IL4I1: variants seen among roughly 807,000 people sequenced by gnomAD.
IL4I1 encodes the protein L-amino-acid oxidase.
In IL4I1, 24 loss-of-function variants were observed where a neutral mutation model predicts 29.7. The ratio of observed to expected loss-of-function variants is 0.81; its 90% CI spans 0.59 to 1.14. The LOEUF is 1.14. Ranked by LOEUF, IL4I1 falls within the 50% of genes most tolerant of loss-of-function variation. IL4I1 has a pLI of 0.00. For missense variants in IL4I1, 686 were observed against 785.6 expected (o/e 0.87, Z 1.52); for synonymous variants, 371 against 352.5 (o/e 1.05, Z -0.59).
At chr19:49,897,566 T>C, upstream of IL4I1, among the ~76,000 whole-genome samples, 1 of 152,178 alleles carries the variant, frequency 6.6e-6, no homozygotes. Flanking sequence ...TGGAAGCTGC[T>C]CCTTTGGAAA....
At chr19:49,929,085 G>A (rs929061446) in intron 1 of IL4I1, 1 of 152,458 alleles carries the variant, frequency 6.6e-6, no homozygotes, top group Non-Finnish European at 1.5e-5. Context: ...CTGATCCCCA[G>A]GAGGAGGGGA....
intron 3 of IL4I1, 51 bp from the exon 4 acceptor site, chr19:49,895,231 A>G (rs1161673769): frequency 2.7e-6 from 4 of 1,472,274 alleles, no homozygotes; most frequent in Middle Eastern, 3.5e-4. Context: ...CCCACTGACC[A>G]TCCCCTGCCC....
At chr19:49,919,045 C>T (rs1042816653) in intron 2 of IL4I1, among the ~76,000 whole-genome samples, 61 of 152,070 alleles carry the variant, frequency 4.0e-4, no homozygotes, top group Middle Eastern at 3.4e-3. Context: ...CCCAGCTACT[C>T]GGGAGGCTGA....
chr19:49,903,251 G>C (rs2608884), intron 3 of IL4I1, among the ~76,000 whole-genome samples: 41,127 of 152,104 alleles, frequency 0.27, 5,678 homozygotes, highest in East Asian at 0.42. Context: ...TAGGGTATCT[G>C]AGGTGACCCC....
At chr19:49,918,591 C>T (rs539356859) in intron 2 of IL4I1, 1 of 152,340 alleles carries the variant, frequency 6.6e-6, no homozygotes, top group South Asian at 2.1e-4. Flanking sequence ...TGCCTTTCAA[C>T]CTACAGGCAT....
intron 5 of IL4I1, among the ~76,000 whole-genome samples, chr19:49,892,676 T>C (rs2075154773): frequency 6.6e-6 from 1 of 152,176 alleles, no homozygotes; most frequent in African/African-American, 2.4e-5. Flanking sequence ...TCAGCCTTCT[T>C]CTTGGTCCAC....
chr19:49,909,920 T>A (rs901086074), intron 2 of IL4I1: 2 of 1,181,920 alleles, frequency 1.7e-6, no homozygotes, highest in Admixed American at 2.0e-5. Flanking sequence ...AGATGGCAGT[T>A]TTGGAAAGGC....
At chr19:49,891,846 G>A (rs146523164) in intron 5 of IL4I1, among the ~76,000 whole-genome samples, 147 of 152,320 alleles carry the variant, frequency 9.7e-4, no homozygotes, top group African/African-American at 2.9e-3. Flanking sequence ...GGTCCCAGGC[G>A]TGCTGTGTCC....
rs2075131073 is a variant in IL4I1, at chr19:49,891,001, C to T, written c.743G>A (p.Arg248Gln). The change falls in exon 7 of 8, where the codon CGG becomes CAG. Residue 248 changes from arginine (R) to glutamine (Q), a missense_variant. Arg to Gln is a conservative substitution (Grantham distance 43). Coordinates refer to ENST00000391826, the MANE Select transcript of IL4I1 (RefSeq NM_152899.2). ...FFYLSFAEAL[R>Q]AHSCLSDRLQ... ...TCTGTCGCTGAGGCAGCTGTGGGCC[C>T]GGAGGGCCTCGGCGAAGCTGAGATA... is the stretch of plus-strand genomic sequence containing the variant. 4 of 1,518,572 alleles carry T rather than the reference C, an allele frequency of 2.6e-6. No homozygotes were observed. The highest frequency in any genetic ancestry group is 3.6e-6 in the Non-Finnish European group (4 of 1,122,692). The allele number at this position is 1,518,572 out of a possible 1,614,324, so 94.1% of individuals were successfully genotyped here. A position where few individuals can be genotyped will look rare whatever the true frequency, so the allele number is the denominator to read the frequency against.
At position 49,895,181 on chromosome 19, in the gene IL4I1, C is replaced by T; in HGVS notation, c.253-1G>A. ...TGTTATCTGCCTCCAGGATGGTGACCTGAGGGAGTCCGTGGGGCGAGGAGG... is the reference window on the plus strand; with the variant it reads ...TGTTATCTGCCTCCAGGATGGTGACTTGAGGGAGTCCGTGGGGCGAGGAGG... On this transcript the variant is annotated splice_acceptor_variant, in intron 3 of 7. Transcript: ENST00000391826. LOFTEE classifies it high-confidence loss of function. 4 of 1,612,900 alleles carry T rather than the reference C, an allele frequency of 2.5e-6. No individual in the cohort carries two copies. Among genetic ancestry groups the T allele is most frequent in the Middle Eastern group, 1.7e-4 (1 of 6,056 alleles).
At chr19:49,900,833 A>G (rs1200801169), upstream of IL4I1, among the ~76,000 whole-genome samples, 1 of 152,190 alleles carries the variant, frequency 6.6e-6, no homozygotes, top group East Asian at 1.9e-4. Context: ...CTCCCAGATA[A>G]TGGTCTTTGG....
intron 2 of IL4I1, chr19:49,909,545 A>G (rs2075408245): frequency 6.2e-7 from 1 of 1,614,080 alleles, no homozygotes; most frequent in Non-Finnish European, 8.5e-7. Context: ...CCCCAAAGAA[A>G]ATCCAGTTCC....
chr19:49,916,777 C>A (rs866296501), intron 2 of IL4I1, among the ~76,000 whole-genome samples: 90 of 152,072 alleles, frequency 5.9e-4, no homozygotes, highest in African/African-American at 2.0e-3. Flanking sequence ...AACAAAAAAA[C>A]AAAAATTAGC....
At chr19:49,908,747 T>C in intron 2 of IL4I1, 1 of 1,613,596 alleles carries the variant, frequency 6.2e-7, no homozygotes. Context: ...CTGGGTGGCC[T>C]GCTGGAGGAA....
intron 2 of IL4I1, among the ~76,000 whole-genome samples, chr19:49,926,501 G>A (rs954048703): frequency 2.0e-5 from 3 of 152,028 alleles, no homozygotes; most frequent in African/African-American, 7.2e-5. Flanking sequence ...CTGCACTCCA[G>A]CCTGGGCGAC....
chr19:49,889,843 C>G lies in IL4I1; in HGVS notation c.1531G>C (p.Ala511Pro). ...AIKINSRKGP[A>P]SDTASPEGHA... ...CCCTCGGGGCTGGCCGTGTCCGATGCAGGCCCCTTCCGGCTGTTGATCTTG... is the reference window on the plus strand; with the variant it reads ...CCCTCGGGGCTGGCCGTGTCCGATGGAGGCCCCTTCCGGCTGTTGATCTTG... The change falls in exon 8 of 8, where the codon GCA becomes CCA. Residue 511 changes from alanine (A) to proline (P), a missense_variant. By Grantham distance (27) the Ala-to-Pro change is conservative. Transcript: ENST00000391826. 1 of 1,585,178 alleles carries G rather than the reference C, an allele frequency of 6.3e-7. No homozygotes were observed. Among genetic ancestry groups the G allele is most frequent in the East Asian group, 2.2e-5 (1 of 44,536 alleles).
At position 49,889,827 on chromosome 19, in the gene IL4I1, C is replaced by A. The variant is rs780435189; in HGVS notation, c.1547G>T (p.Ser516Ile). ...SRKGPASDTA[S>I]PEGHASDMEG... is the part of the protein sequence containing the mutation. ...CATGTCAGATGCGTGCCCCTCGGGGCTGGCCGTGTCCGATGCAGGCCCCTT... is the reference window on the plus strand; with the variant it reads ...CATGTCAGATGCGTGCCCCTCGGGGATGGCCGTGTCCGATGCAGGCCCCTT... The change falls in exon 8 of 8, where the codon AGC (serine) becomes ATC (isoleucine). Residue 516 changes from serine to isoleucine, a missense_variant. Transcript: ENST00000391826. The A allele has an allele frequency of 1.9e-6, 3 of 1,566,160 alleles. No individual in the cohort carries two copies. The highest frequency in any genetic ancestry group is 2.4e-5 in the South Asian group (2 of 84,694).
At chr19:49,908,883 C>T in intron 2 of IL4I1, 1 of 1,610,344 alleles carries the variant, frequency 6.2e-7, no homozygotes, top group East Asian at 2.2e-5. Flanking sequence ...GCGGTCACGG[C>T]AGCTGCTGTA....
chr19:49,893,867 A>G (rs969483361), intron 5 of IL4I1, among the ~76,000 whole-genome samples: 17 of 151,718 alleles, frequency 1.1e-4, no homozygotes, highest in East Asian at 3.9e-4. Context: ...GGCGCCTGTA[A>G]TCCCAGCTAC....
Sources: allele counts gnomAD v4.1 joint callset (sites outside exome capture counted in the v4.1 genomes callset), GRCh38; gene constraint gnomAD v4.1.1; transcripts MANE v1.5; gene names NCBI Gene and HGNC (gene_info 2026-07-23, HGNC 2026-07-21).